The following IZUMO2 variants were observed in gnomAD, a reference collection of about 807,000 sequenced individuals.
The protein encoded by IZUMO2 is IZUMO family member 2.
In IZUMO2, 24 loss-of-function variants were observed where a neutral mutation model predicts 31.2. The ratio of observed to expected loss-of-function variants is 0.77; its 90% CI spans 0.56 to 1.08. The LOEUF is 1.08. Among genes scored for constraint, IZUMO2 ranks in the 50% least tolerant of loss-of-function variants. The pLI, the probability that IZUMO2 is intolerant of heterozygous loss-of-function variation, is 0.00. For missense variants in IZUMO2, 278 were observed against 274.0 expected, an observed-to-expected ratio of 1.01 and a Z score of -0.10; for synonymous variants, 144 against 117.3, an observed-to-expected ratio of 1.23 and a Z score of -1.47.
chr19:50,162,072 C>T (rs1246931567), intron 2 of IZUMO2, among the ~76,000 whole-genome samples: 1 of 152,134 alleles, frequency 6.6e-6, no homozygotes. Flanking sequence ...CACTTGAGGT[C>T]AGAAGTTTGA....
chr19:50,159,236 G>C lies in IZUMO2; in HGVS notation c.409C>G (p.Leu137Val), dbSNP rs760024271. ...SYELKACNPK[L>V]CRLLKEEVLD... ...TAGACGATCCAGAACTCACGGCAAA[G>C]TTTGGGGTTGCAGGCTGCAAGAGAA... Residue 137 changes from leucine (L) to valine (V), a missense_variant, in exon 4 of 7, where the codon CTT becomes GTT. Transcript: ENST00000293405. 1.2e-5 allele frequency: 19 copies of C among 1,611,156 alleles called. No homozygotes were observed. The highest frequency in any genetic ancestry group is 1.4e-5 in the Non-Finnish European group (17 of 1,179,326).
intron 5 of IZUMO2, 27 bp from the exon 6 acceptor site, chr19:50,154,753 A>T (rs1600811681): frequency 6.2e-7 from 1 of 1,610,252 alleles, no homozygotes; most frequent in African/African-American, 1.3e-5. Context: ...AACAGCCCCG[A>T]CCTCCACGTC....
At chr19:50,154,818 C>T in intron 5 of IZUMO2, 92 bp from the exon 6 acceptor site, 2 of 1,475,038 alleles carry the variant, frequency 1.4e-6, no homozygotes, top group Non-Finnish European at 1.8e-6. Context: ...CAGCCTGGGG[C>T]AGGGGTGGGG....
Position 50,163,224 on chromosome 19 carries a change from A to C in IZUMO2, c.-30T>G, listed in dbSNP as rs944716930. 15 of 1,513,382 alleles carry C rather than the reference A, an allele frequency of 9.9e-6. No individual in the cohort carries two copies. Among genetic ancestry groups the C allele is most frequent in the Middle Eastern group, 2.3e-4 (1 of 4,302 alleles). 93.7% of individuals were successfully genotyped at this position (1,513,382 alleles called of 1,614,324 possible). ...GGGCCTTTGTGACGTCACAGAGAGA[A>C]CCCGGCCCGCCCCGCCTCCCAGGCG... On this transcript the variant is annotated 5_prime_UTR_variant, in exon 1 of 7. Coordinates refer to ENST00000293405, the MANE Select transcript of IZUMO2 (RefSeq NM_152358.3).
At chr19:50,157,606 G>A (rs193270476) in intron 5 of IZUMO2, among the ~76,000 whole-genome samples, 87 of 148,736 alleles carry the variant, frequency 5.8e-4, no homozygotes, top group African/African-American at 2.0e-3. Flanking sequence ...GTTCGGTCTC[G>A]TTGTACTATT....
intron 5 of IZUMO2, 75 bp from the exon 6 acceptor site, chr19:50,154,801 C>A: frequency 6.5e-7 from 1 of 1,549,758 alleles, no homozygotes; most frequent in South Asian, 1.2e-5. Flanking sequence ...CCCACCTGTT[C>A]ATTCAGCAGC....
At chr19:50,155,257 G>A (rs2030174518) in intron 5 of IZUMO2, among the ~76,000 whole-genome samples, 2 of 152,198 alleles carry the variant, frequency 1.3e-5, no homozygotes, top group African/African-American at 2.4e-5. Flanking sequence ...AATTAGCTAG[G>A]TATGGTGGCA....
At chr19:50,157,556 A>C (rs138531025) in intron 5 of IZUMO2, among the ~76,000 whole-genome samples, 2,685 of 146,820 alleles carry the variant, frequency 0.018, 73 homozygotes, top group African/African-American at 0.064. Flanking sequence ...CCTGCCTCGG[A>C]CTCCCAAAGT....
intron 2 of IZUMO2, 79 bp from the exon 3 acceptor site, chr19:50,159,659 A>G: frequency 2.4e-6 from 2 of 817,408 alleles, no homozygotes; most frequent in South Asian, 2.9e-5. Flanking sequence ...CCAGGAGAAG[A>G]GATGAGGAAG....
chr19:50,159,578 C>T lies in IZUMO2; in HGVS notation c.310G>A (p.Glu104Lys). Reference protein sequence around the residue: ...QHLMGNSLKDEPLLEELVTLR... With the variant: ...QHLMGNSLKDKPLLEELVTLR... ...GTCACCAGCTCTTCCAGCAGAGGCT[C>T]ATCTGAGGAGAGAAAGAGATCTCTG... The change falls in exon 3 of 7, where the codon GAG becomes AAG. Residue 104 changes from glutamate to lysine, a missense_variant and splice_region_variant. By Grantham distance (56) the Glu-to-Lys change is moderately conservative. Coordinates refer to ENST00000293405, the MANE Select transcript of IZUMO2 (RefSeq NM_152358.3). 6.2e-7 allele frequency: 1 copy of T among 1,609,246 alleles called. No homozygotes were observed. Among genetic ancestry groups the T allele is most frequent in the Non-Finnish European group, 8.5e-7 (1 of 1,175,732 alleles).
chr19:50,158,300 G>C lies in IZUMO2; in HGVS notation c.464C>G (p.Thr155Ser). 2 of 1,612,480 alleles carry C rather than the reference G, an allele frequency of 1.2e-6. No homozygotes were observed. The highest frequency in any genetic ancestry group is 1.7e-6 in the Non-Finnish European group (2 of 1,179,044). ...GTACTTTTTGTGGATACACTTGGGA[G>C]TGATCCTCTGGCAATGTAAACAGTC... Reference protein sequence around the residue: ...VLDCLHCQRITPKCIHKKYCF... With the variant: ...VLDCLHCQRISPKCIHKKYCF... Residue 155 changes from threonine (T) to serine (S), a missense_variant, in exon 5 of 7, where the codon ACT becomes AGT. By Grantham distance (58) the Thr-to-Ser change is moderately conservative. Transcript: ENST00000293405.
Position 50,158,282 on chromosome 19 carries a change from T to G in IZUMO2, c.482A>C (p.Lys161Thr). Residue 161 changes from lysine (K) to threonine (T), a missense_variant, in exon 5 of 7, where the codon AAA (lysine) becomes ACA (threonine). Transcript: ENST00000293405. Reference sequence around the variant, plus strand: ...CAGAAGCTTACCAAAGCAGTACTTTTTGTGGATACACTTGGGAGTGATCCT... The same window carrying G: ...CAGAAGCTTACCAAAGCAGTACTTTGTGTGGATACACTTGGGAGTGATCCT... Reference protein sequence around the residue: ...CQRITPKCIHKKYCFVDRQPR... With the variant: ...CQRITPKCIHTKYCFVDRQPR... 6.2e-7 allele frequency: 1 copy of G among 1,609,760 alleles called. No individual in the cohort carries two copies. The highest frequency in any genetic ancestry group is 8.5e-7 in the Non-Finnish European group (1 of 1,177,208).
At chr19:50,157,068 T>TG (rs2030234176) in intron 5 of IZUMO2, among the ~76,000 whole-genome samples, 1 of 152,194 alleles carries the variant, frequency 6.6e-6, no homozygotes, top group East Asian at 1.9e-4. Flanking sequence ...TAAGATACTA[T>TG]GGCAAAGAAT....
At chr19:50,155,567 TCTTTC>T (rs1210707655) in intron 5 of IZUMO2, among the ~76,000 whole-genome samples, 1 of 152,164 alleles carries the variant, frequency 6.6e-6, no homozygotes, top group Non-Finnish European at 1.5e-5. Context: ...CACCACCAAC[TCTTTC>T]CTTCCATCAG....
intron 5 of IZUMO2, 113 bp downstream of exon 5, chr19:50,158,149 TGGTTAG>T (rs2030275440): frequency 3.7e-6 from 2 of 541,612 alleles, no homozygotes. Context: ...TCTAAGCAAA[TGGTTAG>T]GGCAGGATTC....
chr19:50,159,396 G>C (rs2030321761), intron 3 of IZUMO2, 98 bp downstream of exon 3: 25 of 1,227,918 alleles, frequency 2.0e-5, no homozygotes, highest in Non-Finnish European at 2.8e-5. Flanking sequence ...CTGAGCTATA[G>C]GGGAGGTGAA....
chr19:50,159,423 A>G (rs1006948545), intron 3 of IZUMO2, 71 bp downstream of exon 3: 8 of 1,297,394 alleles, frequency 6.2e-6, no homozygotes, highest in Non-Finnish European at 8.8e-6. Context: ...GTTTGGGAGA[A>G]AAAGTGGTAA....
At chr19:50,154,754 C>A in intron 5 of IZUMO2, 28 bp from the exon 6 acceptor site, 1 of 1,610,792 alleles carries the variant, frequency 6.2e-7, no homozygotes, top group Non-Finnish European at 8.5e-7. Flanking sequence ...ACAGCCCCGA[C>A]CTCCACGTCA....
At chr19:50,156,964 G>A (rs776497706) in intron 5 of IZUMO2, among the ~76,000 whole-genome samples, 1 of 152,192 alleles carries the variant, frequency 6.6e-6, no homozygotes, top group Non-Finnish European at 1.5e-5. Context: ...GCTAGGTTTG[G>A]AGGGTGTGGG....
Sources: gnomAD v4.1 joint callset for allele counts (sites outside exome capture counted in the v4.1 genomes callset) on GRCh38, gnomAD v4.1.1 for gene constraint, MANE v1.5 for transcripts, NCBI Gene and HGNC (gene_info 2026-07-23, HGNC 2026-07-21) for gene names.